CDH13: variants seen among roughly 807,000 people sequenced by gnomAD.
CDH13 encodes the protein cadherin-13.
A neutral mutation model predicts 63.8 loss-of-function variants in CDH13; 24 were observed. The ratio of observed to expected loss-of-function variants is 0.38; its 90% CI spans 0.27 to 0.53. CDH13 has a LOEUF of 0.53. CDH13 is among the 20% of genes least tolerant of loss of function. CDH13 has a pLI of 0.85. For synonymous variants in CDH13, 503 were observed against 355.3 expected, an observed-to-expected ratio of 1.42 and a Z score of -4.67; for missense variants, 1,049 against 903.1, an observed-to-expected ratio of 1.16 and a Z score of -2.07.
chr16:82,744,566 C>A (rs986679456), intron 1 of CDH13, among the ~76,000 whole-genome samples: 1 of 152,060 alleles, frequency 6.6e-6, no homozygotes, highest in Non-Finnish European at 1.5e-5. Flanking sequence ...AGGTCCCTTT[C>A]CCCTCAGTTC....
chr16:83,624,890 C>G (rs540582911), intron 8 of CDH13, among the ~76,000 whole-genome samples: 65 of 152,320 alleles, frequency 4.3e-4, no homozygotes, highest in African/African-American at 1.5e-3. Flanking sequence ...TTCCCTTGAG[C>G]CTGGCCATGA....
chr16:83,262,222 C>A (rs1038874154), intron 5 of CDH13, among the ~76,000 whole-genome samples: 2 of 152,168 alleles, frequency 1.3e-5, no homozygotes, highest in Admixed American at 6.5e-5. Context: ...TAGCTTCATG[C>A]AATCCCCTGT....
At chr16:82,726,307 A>T (rs2033091763) in intron 1 of CDH13, among the ~76,000 whole-genome samples, 1 of 152,284 alleles carries the variant, frequency 6.6e-6, no homozygotes, top group East Asian at 1.9e-4. Flanking sequence ...CAGCTACTCA[A>T]TTCAGCCAAT....
intron 6 of CDH13, among the ~76,000 whole-genome samples, chr16:83,368,938 A>ATATATATATATG (rs60900726): frequency 3.4e-4 from 19 of 55,438 alleles, no homozygotes; most frequent in Non-Finnish European, 5.4e-4. Context: ...ATATATATAT[A>ATATATATATATG]CTAGGTTTTT....
At chr16:82,897,730 CCCTGCTGAGTAGAGT>C in intron 2 of CDH13, among the ~76,000 whole-genome samples, 1 of 152,368 alleles carries the variant, frequency 6.6e-6, no homozygotes, top group South Asian at 2.1e-4. Context: ...AAATACTCTG[CCCTGCTGAGTAGAGT>C]CCTGAAACTG....
At position 82,861,144 on chromosome 16, in the gene CDH13, C is replaced by G. The variant is rs558522728; in HGVS notation, c.157+2671C>G. 9.5e-4 allele frequency among the ~76,000 whole-genome samples: 145 copies of G among 152,218 alleles called. 3 individuals carry two copies. In the South Asian group the frequency reaches 0.028, roughly 30 times the overall value. ...ATTCCATTTCCTGAATCATTGTATA[C>G]CAAAGATCCAGGAAATGGTTAGGGA... is the stretch of plus-strand genomic sequence containing the variant. On this transcript the variant is annotated intron_variant, in intron 2 of 13. Transcript: ENST00000567109.
At chr16:83,084,304 G>A (rs1319898854) in intron 3 of CDH13, among the ~76,000 whole-genome samples, 1 of 152,172 alleles carries the variant, frequency 6.6e-6, no homozygotes. Flanking sequence ...TTGTTTTGAC[G>A]TGGAAGGTCA....
intron 3 of CDH13, among the ~76,000 whole-genome samples, chr16:83,040,349 C>T (rs1386134366): frequency 2.6e-5 from 4 of 152,238 alleles, no homozygotes; most frequent in East Asian, 1.9e-4. Context: ...AAAGTCCCAT[C>T]GTAGGCCATC....
At chr16:82,997,769 A>C (rs191365374) in intron 2 of CDH13, among the ~76,000 whole-genome samples, 2 of 152,312 alleles carry the variant, frequency 1.3e-5, no homozygotes, top group East Asian at 3.9e-4. Flanking sequence ...CTGGCTTCTA[A>C]GGTAAGTTTC....
At chr16:83,149,049 T>C (rs904742300) in intron 4 of CDH13, among the ~76,000 whole-genome samples, 2 of 152,206 alleles carry the variant, frequency 1.3e-5, no homozygotes, top group Non-Finnish European at 2.9e-5. Context: ...GCATGAAGTA[T>C]AGAATCATAG....
intron 4 of CDH13, among the ~76,000 whole-genome samples, chr16:83,192,049 C>T (rs868702426): frequency 2.7e-4 from 41 of 152,018 alleles, no homozygotes; most frequent in African/African-American, 9.7e-4. Context: ...AGGACCAAGC[C>T]CACCAGCAAT....
chr16:83,068,919 C>T (rs1034740992), intron 3 of CDH13, among the ~76,000 whole-genome samples: 3 of 152,122 alleles, frequency 2.0e-5, no homozygotes, highest in Non-Finnish European at 4.4e-5. Flanking sequence ...CACATGATTG[C>T]CACCCACTGG....
intron 6 of CDH13, among the ~76,000 whole-genome samples, chr16:83,448,362 T>A (rs958497910): frequency 6.6e-6 from 1 of 152,040 alleles, no homozygotes; most frequent in Non-Finnish European, 1.5e-5. Context: ...CAACTTCAGC[T>A]TGGAGGGAGA....
intron 2 of CDH13, among the ~76,000 whole-genome samples, chr16:82,934,374 T>A (rs541306999): frequency 5.3e-5 from 8 of 152,152 alleles, no homozygotes; most frequent in Non-Finnish European, 1.0e-4. Context: ...GAGCACTAAG[T>A]CCTTAGGCTG....
intron 1 of CDH13, among the ~76,000 whole-genome samples, chr16:82,629,595 G>A (rs1907764144): frequency 6.6e-6 from 1 of 152,222 alleles, no homozygotes; most frequent in South Asian, 2.1e-4. Flanking sequence ...CCCTGGTGGT[G>A]TTCAGGCAAG....
At chr16:83,220,457 C>T (rs753407353) in intron 5 of CDH13, among the ~76,000 whole-genome samples, 1 of 152,066 alleles carries the variant, frequency 6.6e-6, no homozygotes, top group Non-Finnish European at 1.5e-5. Flanking sequence ...GAGGAGAATC[C>T]TGGGTCTCCA....
intron 3 of CDH13, among the ~76,000 whole-genome samples, chr16:83,110,081 G>C (rs540588586): frequency 6.6e-6 from 1 of 152,138 alleles, no homozygotes; most frequent in African/African-American, 2.4e-5. Flanking sequence ...AGAATATGTG[G>C]GGTTATTTTC....
At chr16:83,449,329 A>C (rs1251063146) in intron 6 of CDH13, among the ~76,000 whole-genome samples, 1 of 152,162 alleles carries the variant, frequency 6.6e-6, no homozygotes, top group Admixed American at 6.5e-5. Context: ...CATGGTACCA[A>C]GAGGAAAACA....
chr16:83,086,782 A>C (rs957246094), intron 3 of CDH13, among the ~76,000 whole-genome samples: 93 of 152,226 alleles, frequency 6.1e-4, no homozygotes, highest in African/African-American at 2.2e-3. Flanking sequence ...CAATGGCAAA[A>C]ACTGGGCACA....
Sources: gnomAD v4.1 joint callset for allele counts (sites outside exome capture counted in the v4.1 genomes callset) on GRCh38, gnomAD v4.1.1 for gene constraint, MANE v1.5 for transcripts, NCBI Gene and HGNC (gene_info 2026-07-23, HGNC 2026-07-21) for gene names.